Variants in AACS observed in about 807,000 individuals in gnomAD.
AACS encodes the protein acetoacetate-CoA ligase.
A neutral mutation model predicts 83.1 loss-of-function variants in AACS; 69 were observed. That is an observed-to-expected ratio of 0.83 (90% confidence interval 0.68 to 1.01). The LOEUF is 1.01. AACS is among the 50% of genes least tolerant of loss of function. AACS has a pLI of 0.00. For missense variants in AACS, 866 were observed against 882.2 expected (o/e 0.98, Z 0.23); for synonymous variants, 333 against 343.4 (o/e 0.97, Z 0.33).
chr12:125,128,439 C>G, intron 13 of AACS, 165 bp downstream of exon 13: 1 of 554,366 alleles, frequency 1.8e-6, no homozygotes, highest in Non-Finnish European at 3.0e-6. Context: ...CTTGGTTTAA[C>G]ACCCGCCGGG....
At chr12:125,081,300 CTTCTTTTAATGAGCTT>C (rs538174020) in intron 3 of AACS, among the ~76,000 whole-genome samples, 120 of 152,344 alleles carry the variant, frequency 7.9e-4, no homozygotes, top group Non-Finnish European at 1.4e-3. Flanking sequence ...AGCAGAGCCC[CTTCTTTTAATGAGCTT>C]TATCCCTTCC....
At chr12:125,089,766 A>G (rs551205630) in intron 4 of AACS, among the ~76,000 whole-genome samples, 1 of 151,460 alleles carries the variant, frequency 6.6e-6, no homozygotes, top group South Asian at 2.1e-4. Flanking sequence ...TCATCCATCT[A>G]TCCATCCCTT....
chr12:125,091,281 G>T (rs994144827), intron 4 of AACS, 145 bp from the exon 5 acceptor site: 3 of 723,764 alleles, frequency 4.1e-6, no homozygotes, highest in Non-Finnish European at 4.8e-6. Context: ...GATTCATCTG[G>T]GCGGGGGCTG....
chr12:125,095,963 T>C (rs889824011), intron 5 of AACS, among the ~76,000 whole-genome samples: 8 of 152,132 alleles, frequency 5.3e-5, no homozygotes, highest in African/African-American at 1.9e-4. Context: ...GAGTGGATAC[T>C]ATTGCCCCTC....
At chr12:125,116,445 T>C (rs1162640612) in intron 9 of AACS, among the ~76,000 whole-genome samples, 3 of 152,048 alleles carry the variant, frequency 2.0e-5, no homozygotes, top group African/African-American at 7.2e-5. Context: ...CCACCTGTGT[T>C]CTTTTATTTT....
chr12:125,111,168 C>G (rs1201461739), intron 8 of AACS, among the ~76,000 whole-genome samples: 1 of 152,076 alleles, frequency 6.6e-6, no homozygotes, highest in Non-Finnish European at 1.5e-5. Context: ...TTTATGAAAG[C>G]CAGTCGGGGT....
chr12:125,106,776 G>C (rs1482760009), intron 7 of AACS, among the ~76,000 whole-genome samples: 1 of 152,174 alleles, frequency 6.6e-6, no homozygotes. Context: ...TCCTTCAGCC[G>C]TGTTGGTACA....
intron 15 of AACS, 40 bp from the exon 16 acceptor site, chr12:125,134,754 C>T: frequency 6.2e-7 from 1 of 1,613,252 alleles, no homozygotes; most frequent in South Asian, 1.1e-5. Context: ...TGCTTCACTC[C>T]AGAGCTGCGG....
At chr12:125,106,082 A>G (rs1478994934) in intron 7 of AACS, among the ~76,000 whole-genome samples, 2 of 152,220 alleles carry the variant, frequency 1.3e-5, no homozygotes, top group African/African-American at 4.8e-5. Flanking sequence ...TTCTCATGCA[A>G]GACAGCAAAA....
chr12:125,090,834 G>A (rs1052847573), intron 4 of AACS, among the ~76,000 whole-genome samples: 17 of 152,276 alleles, frequency 1.1e-4, no homozygotes, highest in African/African-American at 4.1e-4. Flanking sequence ...CAAAGTCCCA[G>A]CCCTCATGTG....
At chr12:125,128,112 T>C (rs1466534261) in intron 12 of AACS, 49 bp from the exon 13 acceptor site, 2 of 1,424,810 alleles carry the variant, frequency 1.4e-6, no homozygotes, top group African/African-American at 1.4e-5. Context: ...TTTAACACAA[T>C]TTGTCTTGGG....
At chr12:125,080,588 C>A (rs1004673713) in intron 3 of AACS, among the ~76,000 whole-genome samples, 1 of 152,060 alleles carries the variant, frequency 6.6e-6, no homozygotes, top group Non-Finnish European at 1.5e-5. Context: ...CTGTTTCACA[C>A]CCCCTACCCC....
intron 2 of AACS, 117 bp downstream of exon 2, chr12:125,074,096 A>G: frequency 3.7e-6 from 3 of 806,646 alleles, no homozygotes; most frequent in Non-Finnish European, 6.1e-6. Flanking sequence ...GCAGATGGGA[A>G]AAAGTCATTG....
chr12:125,133,923 C>A, intron 14 of AACS, 80 bp from the exon 15 acceptor site: 1 of 1,460,360 alleles, frequency 6.8e-7, no homozygotes, highest in Middle Eastern at 1.7e-4. Context: ...TGTCTGCGGA[C>A]CTACACCCAG....
intron 10 of AACS, chr12:125,123,293 G>A (rs1957185894): frequency 6.6e-6 from 1 of 152,228 alleles, no homozygotes; most frequent in Non-Finnish European, 1.5e-5. Context: ...GAGTCATGAG[G>A]TCTCCATCCT....
At chr12:125,066,680 C>A (rs939172539) in intron 1 of AACS, among the ~76,000 whole-genome samples, 2 of 152,066 alleles carry the variant, frequency 1.3e-5, no homozygotes, top group Non-Finnish European at 2.9e-5. Flanking sequence ...AACTCCTGAC[C>A]TCAGGTGATC....
chr12:125,102,080 C>G (rs374535595), intron 5 of AACS: 1 of 126,354 alleles, frequency 7.9e-6, no homozygotes, highest in Non-Finnish European at 1.7e-5. Flanking sequence ...AAAAAAAAAA[C>G]AAAAAAAAAA....
In AACS at chr12:125,129,187, T is replaced by C. The variant is rs1957290409; in HGVS notation, c.1424-148T>C. On this transcript the variant is annotated intron_variant, in intron 13 of 17. Coordinates refer to ENST00000316519, the MANE Select transcript of AACS (RefSeq NM_023928.5). This position sits in a 1 kb window ranked among gnomAD's most constrained non-coding sequence, Gnocchi z 4.3. ...GGAGGAACGCATTATTAGGCTGCTGTGACAGGTGTGTGGGCGTGGACCATC... is the reference window on the plus strand; with the variant it reads ...GGAGGAACGCATTATTAGGCTGCTGCGACAGGTGTGTGGGCGTGGACCATC... The C allele has an allele frequency of 3.6e-6, 4 of 1,112,196 alleles. No homozygotes were observed. The highest frequency in any genetic ancestry group is 4.8e-6 in the Non-Finnish European group (4 of 826,958). The allele number at this position is 1,112,196 out of a possible 1,614,324, so 68.9% of individuals were successfully genotyped here.
chr12:125,093,136 T>C (rs1956525411), intron 5 of AACS, among the ~76,000 whole-genome samples: 1 of 152,248 alleles, frequency 6.6e-6, no homozygotes, highest in Non-Finnish European at 1.5e-5. Context: ...CTGTTTGAAC[T>C]AGTCGGGAGA....
Sources: gnomAD v4.1 joint callset for allele counts (sites outside exome capture counted in the v4.1 genomes callset) on GRCh38, gnomAD v4.1.1 for gene constraint, Gnocchi (gnomAD v3.1) non-coding constraint, MANE v1.5 for transcripts, NCBI Gene and HGNC (gene_info 2026-07-23, HGNC 2026-07-21) for gene names.